Variants in TG observed in about 807,000 individuals in gnomAD.
TG encodes the protein thyroid hormones.
TG carries 270 observed loss-of-function variants against 324.7 expected under a neutral mutation model. The observed-to-expected ratio is 0.83, with a 90% confidence interval of 0.75 to 0.92. The LOEUF (loss-of-function observed/expected upper bound fraction) is 0.92. TG is among the 40% of genes least tolerant of loss of function. The pLI is 0.00. For missense variants in TG, 3,591 were observed against 3,456.4 expected (o/e 1.04, Z -0.98); for synonymous variants, 1,401 against 1,327.0 (o/e 1.06, Z -1.21).
At chr8:132,923,543 G>C in intron 22 of TG, 35 bp downstream of exon 22, 3 of 1,600,738 alleles carry the variant, frequency 1.9e-6, no homozygotes, top group Non-Finnish European at 2.6e-6. Flanking sequence ...CATGGTTCCT[G>C]GGGACTGGGG....
At chr8:133,078,735 G>A (rs965218472) in intron 41 of TG, among the ~76,000 whole-genome samples, 5 of 152,264 alleles carry the variant, frequency 3.3e-5, no homozygotes, top group Admixed American at 1.3e-4. Context: ...ACAAAACAAT[G>A]TTCATTACGT....
chr8:133,123,494 C>T (rs1564214296), intron 45 of TG, among the ~76,000 whole-genome samples: 1 of 152,156 alleles, frequency 6.6e-6, no homozygotes, highest in African/African-American at 2.4e-5. Flanking sequence ...GCCCAGGTAC[C>T]TTTCAAGGCA....
chr8:132,897,876 G>T, intron 12 of TG, 90 bp downstream of exon 12: 1 of 1,481,906 alleles, frequency 6.7e-7, no homozygotes, highest in South Asian at 1.2e-5. Context: ...CAAGTGAGCT[G>T]GACTCTTAGG....
At chr8:132,954,029 T>C (rs1367508170) in intron 27 of TG, among the ~76,000 whole-genome samples, 1 of 151,828 alleles carries the variant, frequency 6.6e-6, no homozygotes, top group African/African-American at 2.4e-5. Context: ...GAAATACTAC[T>C]GGGTTCATCC....
chr8:133,052,462 G>C (rs1388372334), intron 41 of TG, among the ~76,000 whole-genome samples: 1 of 152,166 alleles, frequency 6.6e-6, no homozygotes, highest in African/African-American at 2.4e-5. Flanking sequence ...AGTCGTGTCG[G>C]GACGTAAAAG....
At chr8:133,094,310 G>A (rs544013432) in intron 41 of TG, among the ~76,000 whole-genome samples, 2 of 147,052 alleles carry the variant, frequency 1.4e-5, no homozygotes, top group Non-Finnish European at 3.0e-5. Context: ...GTGCGATCTC[G>A]GTCCACTGCA....
chr8:133,110,961 C>G (rs1023366865), intron 43 of TG, among the ~76,000 whole-genome samples: 1 of 152,214 alleles, frequency 6.6e-6, no homozygotes, highest in Admixed American at 6.5e-5. Flanking sequence ...GAGACAAAAA[C>G]AGGGCCCATA....
At chr8:133,120,687 C>T (rs1258595654) in intron 45 of TG, among the ~76,000 whole-genome samples, 2 of 152,210 alleles carry the variant, frequency 1.3e-5, no homozygotes, top group Admixed American at 1.3e-4. Context: ...AGGGCCCACA[C>T]TAATGACCTC....
chr8:132,935,719 A>G (rs1169743034), intron 24 of TG, 37 bp from the exon 25 acceptor site: 7 of 1,532,438 alleles, frequency 4.6e-6, no homozygotes, highest in Non-Finnish European at 6.3e-6. Flanking sequence ...ATTATAAAGT[A>G]TTGCAGGATA....
rs1554725841 is a variant in TG, at chr8:133,107,982, C to CTTTTCCTCTTTTTT, written c.7573-5436_7573-5435insCCTCTTTTTTTTTT. Among the ~76,000 whole-genome samples the CTTTTCCTCTTTTTT allele has an allele frequency of 5.2e-5, 7 of 134,122 alleles. 1 individual carries two copies. Among genetic ancestry groups the CTTTTCCTCTTTTTT allele is most frequent in the African/African-American group, 1.1e-4 (4 of 35,276 alleles). 88.0% of individuals were successfully genotyped at this position (134,122 alleles called of 152,430 possible). A position where few individuals can be genotyped will look rare whatever the true frequency, so the allele number is the denominator to read the frequency against. On this transcript the variant is annotated intron_variant, in intron 43 of 47. Transcript: ENST00000220616. The stretch of plus-strand genomic sequence containing the variant: ...CCAGTCCTTTTTCTTTTCTTTTCTT[C>CTTTTCCTCTTTTTT]TTTTTTTTTTTTTTTTTTTGAGACA...
intron 41 of TG, among the ~76,000 whole-genome samples, chr8:133,033,481 G>T (rs1836816440): frequency 6.6e-6 from 1 of 152,180 alleles, no homozygotes; most frequent in Admixed American, 6.5e-5. Flanking sequence ...TTCCCTTGCT[G>T]TTCTATGACA....
intron 41 of TG, among the ~76,000 whole-genome samples, chr8:133,072,395 A>G (rs4736623): frequency 0.19 from 29,368 of 152,188 alleles, 3,127 homozygotes; most frequent in Non-Finnish European, 0.24. Flanking sequence ...CGATCACATG[A>G]TGTGACCTCA....
chr8:132,888,392 T>A lies in TG; in HGVS notation c.2585T>A (p.Leu862His). Reference sequence around the variant, plus strand: ...CGGCCCCAGCCCAGGGAGAATATCCTCCTGGAGCCCTACCTCTTCTGGCAG... The same window carrying A: ...CGGCCCCAGCCCAGGGAGAATATCCACCTGGAGCCCTACCTCTTCTGGCAG... ...GKRPQPRENI[L>H]LEPYLFWQIL... Residue 862 changes from leucine (L) to histidine (H), a missense_variant, in exon 10 of 48, where the codon CTC becomes CAC. Coordinates refer to ENST00000220616, the MANE Select transcript of TG (RefSeq NM_003235.5). 1.9e-6 allele frequency: 3 copies of A among 1,614,090 alleles called. No homozygotes were observed. Among genetic ancestry groups the A allele is most frequent in the Non-Finnish European group, 1.7e-6 (2 of 1,179,974 alleles).
chr8:132,893,929 A>G lies in TG; in HGVS notation c.3001A>G (p.Thr1001Ala), dbSNP rs1265618995. ...DYAIRLAAQSTLSFYQRRRFS... is the reference protein window; with the variant it reads ...DYAIRLAAQSALSFYQRRRFS... ...CGCCATTCGCCTGGCGGCTCAGTCT[A>G]GTGAGTGTGGTGCCCTTCAGCTTTC... The change falls in exon 11 of 48, where the codon ACC (threonine) becomes GCC (alanine). Residue 1001 changes from threonine to alanine, a missense_variant and splice_region_variant. Thr to Ala is a moderately conservative substitution (Grantham distance 58). Coordinates refer to ENST00000220616, the MANE Select transcript of TG (RefSeq NM_003235.5). The G allele has an allele frequency of 1.2e-6, 2 of 1,613,874 alleles. No homozygotes were observed. Among genetic ancestry groups the G allele is most frequent in the African/African-American group, 2.7e-5 (2 of 74,876 alleles).
In TG at chr8:132,919,534, T is replaced by A. The variant is rs1462690636; in HGVS notation, c.4528+9T>A. Reference sequence around the variant, plus strand: ...TTTCAGCCAGACTCACTGTAAGTTCTGTGGAGTGCTTCTTTGAAAGAAAAG... The same window carrying A: ...TTTCAGCCAGACTCACTGTAAGTTCAGTGGAGTGCTTCTTTGAAAGAAAAG... On this transcript the variant is annotated intron_variant, in intron 21 of 47. Transcript: ENST00000220616. 11 of 1,613,728 alleles carry A rather than the reference T, an allele frequency of 6.8e-6. No individual in the cohort carries two copies. Among genetic ancestry groups the A allele is most frequent in the Non-Finnish European group, 8.5e-6 (10 of 1,179,844 alleles).
chr8:132,887,289 G>A lies in TG; in HGVS notation c.1917G>A (p.Val639=). 6.2e-7 allele frequency: 1 copy of A among 1,604,026 alleles called. No individual in the cohort carries two copies. The highest frequency in any genetic ancestry group is 8.5e-7 in the Non-Finnish European group (1 of 1,173,468). The part of the protein sequence containing the change: ...VQCFSGECWC[V]NSWGKELPGS... ...GCTTTTCCGGAGAGTGCTGGTGTGT[G>A]AATTCCTGGGGCAAAGAGCTTCCAG... The change falls in exon 9 of 48, where the codon GTG becomes GTA. Residue 639 remains valine (V), a synonymous_variant. Transcript: ENST00000220616.
chr8:133,085,683 T>A (rs972829964), intron 41 of TG, among the ~76,000 whole-genome samples: 1 of 152,190 alleles, frequency 6.6e-6, no homozygotes. Context: ...CACACTAGGA[T>A]GCCTATAATA....
intron 35 of TG, among the ~76,000 whole-genome samples, chr8:132,993,667 T>C (rs113561672): frequency 0.021 from 3,253 of 152,280 alleles, 120 homozygotes; most frequent in African/African-American, 0.074. Context: ...ACTTGACAAA[T>C]GTTTGCTGAA....
chr8:132,904,478 T>C (rs538836412), intron 16 of TG, among the ~76,000 whole-genome samples: 1 of 152,348 alleles, frequency 6.6e-6, no homozygotes, highest in East Asian at 1.9e-4. Context: ...ATTCAGTTAA[T>C]TTTAGTTTCT....
Sources: allele counts gnomAD v4.1 joint callset (sites outside exome capture counted in the v4.1 genomes callset), GRCh38; gene constraint gnomAD v4.1.1; transcripts MANE v1.5; gene names NCBI Gene and HGNC (gene_info 2026-07-23, HGNC 2026-07-21).